Variants in SMAD3 observed in about 807,000 individuals in gnomAD.
SMAD3 encodes the protein SMAD family member 3.
A neutral mutation model predicts 51.8 loss-of-function variants in SMAD3; 12 were observed. The observed-to-expected ratio is 0.23, with a 90% confidence interval of 0.15 to 0.38. The LOEUF (loss-of-function observed/expected upper bound fraction) is 0.38, where lower values mean the gene tolerates loss of function less well. SMAD3 is among the 10% of genes least tolerant of loss of function. The pLI is 1.00. For missense variants in SMAD3, 294 were observed against 565.6 expected, an observed-to-expected ratio of 0.52 and a Z score of 4.87; for synonymous variants, 238 against 227.7, an observed-to-expected ratio of 1.05 and a Z score of -0.41.
intron 1 of SMAD3, among the ~76,000 whole-genome samples, chr15:67,121,266 G>A (rs988323879): frequency 3.3e-5 from 5 of 152,176 alleles, no homozygotes; most frequent in East Asian, 1.9e-4. Context: ...TCTTCTCCTC[G>A]TTTCCTGTTG....
Position 67,105,374 on chromosome 15 carries a change from G to A in SMAD3, c.206+39014G>A, listed in dbSNP as rs72743437. ...ATCATGGCGCACCTCCACGGCCACA[G>A]TGGAAACCTTGAACCTTGAGCTGTA... is the stretch of plus-strand genomic sequence containing the variant. On this transcript the variant is annotated intron_variant, in intron 1 of 8. Transcript: ENST00000327367. Among the ~76,000 whole-genome samples the A allele has an allele frequency of 3.4e-3, 520 of 152,290 alleles. 1 individual carries two copies. The highest frequency in any genetic ancestry group is 4.0e-3 in the Non-Finnish European group (275 of 68,018).
chr15:67,113,095 T>TATATA (rs57818600), intron 1 of SMAD3, among the ~76,000 whole-genome samples: 1 of 91,128 alleles, frequency 1.1e-5, no homozygotes, highest in African/African-American at 6.0e-5. Context: ...TATATATATA[T>TATATA]TTTTTTGAGA....
At chr15:67,151,312 C>T (rs991094154) in intron 1 of SMAD3, among the ~76,000 whole-genome samples, 2 of 149,928 alleles carry the variant, frequency 1.3e-5, no homozygotes, top group South Asian at 2.1e-4. Context: ...CTCTTTCTCC[C>T]CATTTTCCCT....
chr15:67,072,806 G>T (rs1204201306), intron 1 of SMAD3, among the ~76,000 whole-genome samples: 1 of 152,184 alleles, frequency 6.6e-6, no homozygotes, highest in African/African-American at 2.4e-5. Context: ...AAGCACAATG[G>T]TTCCTGGAAA....
At chr15:67,098,963 C>T in intron 1 of SMAD3, 1 of 702,394 alleles carries the variant, frequency 1.4e-6, no homozygotes, top group Non-Finnish European at 2.6e-6. Flanking sequence ...AAATGCTTCA[C>T]AAATGTGGAC....
At chr15:67,182,469 A>G (rs1048140898) in intron 6 of SMAD3, among the ~76,000 whole-genome samples, 4 of 152,164 alleles carry the variant, frequency 2.6e-5, no homozygotes, top group South Asian at 2.1e-4. Flanking sequence ...AGGGTTGGCA[A>G]AGGGTTCCTG....
At chr15:67,122,873 A>G (rs1419805520) in intron 1 of SMAD3, among the ~76,000 whole-genome samples, 3 of 152,122 alleles carry the variant, frequency 2.0e-5, no homozygotes, top group African/African-American at 4.8e-5. Flanking sequence ...CAGGGATAAA[A>G]TATCTCAGTG....
chr15:67,125,320 C>G lies in SMAD3; in HGVS notation c.207-39575C>G, dbSNP rs578147958. Among the ~76,000 whole-genome samples the G allele has an allele frequency of 2.6e-5, 4 of 152,314 alleles. No homozygotes were observed. In the East Asian group the frequency reaches 7.7e-4, roughly 29 times the overall value. The stretch of plus-strand genomic sequence containing the variant: ...GCGGCTCCAGTGTGTGTACGGAGAG[C>G]CTCTTTGAAGCGCTGTTGCCTTTCT... On this transcript the variant is annotated intron_variant, in intron 1 of 8. Coordinates refer to ENST00000327367, the MANE Select transcript of SMAD3 (RefSeq NM_005902.4).
intron 1 of SMAD3, among the ~76,000 whole-genome samples, chr15:67,077,076 C>G (rs569538434): frequency 6.6e-6 from 1 of 152,294 alleles, no homozygotes; most frequent in South Asian, 2.1e-4. Context: ...ATCCTAAACT[C>G]AAACCTGGAC....
intron 1 of SMAD3, among the ~76,000 whole-genome samples, chr15:67,086,782 G>C (rs1960402389): frequency 6.6e-6 from 1 of 152,108 alleles, no homozygotes; most frequent in African/African-American, 2.4e-5. Context: ...ACACAGTGAG[G>C]ATCAGAAGAC....
In SMAD3 at chr15:67,176,126, TAC is replaced by T. The variant is rs543059537; in HGVS notation, c.659-5114_659-5113del. ...CCGCAGATACATAGGTTGGAATTAG[TAC>T]CCTGGGTGCTGGGACACAGCTGGCG... On this transcript the variant is annotated intron_variant, in intron 5 of 8. Coordinates refer to ENST00000327367, the MANE Select transcript of SMAD3 (RefSeq NM_005902.4). Among the ~76,000 whole-genome samples, 480 of 152,320 alleles carry T rather than the reference TAC, an allele frequency of 3.2e-3. 3 individuals carry two copies. Among genetic ancestry groups the T allele is most frequent in the African/African-American group, 0.011 (438 of 41,572 alleles).
intron 7 of SMAD3, 117 bp from the exon 8 acceptor site, chr15:67,187,248 C>T: frequency 1.7e-6 from 2 of 1,210,910 alleles, no homozygotes; most frequent in Non-Finnish European, 2.4e-6. Flanking sequence ...CACCATGTGT[C>T]CCTGGAGCTG....
chr15:67,095,196 G>T (rs1197864768), intron 1 of SMAD3, among the ~76,000 whole-genome samples: 1 of 152,190 alleles, frequency 6.6e-6, no homozygotes, highest in Admixed American at 6.5e-5. Flanking sequence ...CTGTCACACA[G>T]TGTGGCAGCC....
intron 1 of SMAD3, among the ~76,000 whole-genome samples, chr15:67,069,417 T>C (rs1960002211): frequency 1.3e-5 from 2 of 152,106 alleles, no homozygotes; most frequent in Admixed American, 1.3e-4. Flanking sequence ...TTTATAAGAA[T>C]GGAATCAAAG....
chr15:67,141,344 A>G (rs1478713546), intron 1 of SMAD3, among the ~76,000 whole-genome samples: 3 of 152,198 alleles, frequency 2.0e-5, no homozygotes, highest in Admixed American at 6.5e-5. Flanking sequence ...TGGACTCTTT[A>G]TGCCCTGCAC....
At chr15:67,169,025 CAG>C (rs1232863924) in intron 4 of SMAD3, among the ~76,000 whole-genome samples, 9 of 152,308 alleles carry the variant, frequency 5.9e-5, no homozygotes, top group East Asian at 5.8e-4. Context: ...CAGCACAAAA[CAG>C]GGGACAAGCA....
At chr15:67,139,181 G>A (rs902595023) in intron 1 of SMAD3, among the ~76,000 whole-genome samples, 1 of 152,216 alleles carries the variant, frequency 6.6e-6, no homozygotes, top group South Asian at 2.1e-4. Flanking sequence ...AAAGAAGGGG[G>A]CTAGAGGGAT....
chr15:67,112,154 C>CTTTTTT lies in SMAD3; in HGVS notation c.206+45801_206+45806dup, dbSNP rs753530213. On this transcript the variant is annotated intron_variant, in intron 1 of 8. Transcript: ENST00000327367. The stretch of plus-strand genomic sequence containing the variant: ...TTAGCCATTTCTTTTTTTTTCTTTC[C>CTTTTTT]TTTTTTTTTTTTGAGACAGAGTTTT... 3.3e-5 allele frequency among the ~76,000 whole-genome samples: 3 copies of CTTTTTT among 90,426 alleles called. 1 individual carries two copies. Among genetic ancestry groups the CTTTTTT allele is most frequent in the South Asian group, 3.9e-4 (1 of 2,590 alleles). 59.3% of individuals were successfully genotyped at this position (90,426 alleles called of 152,430 possible). A position where few individuals can be genotyped will look rare whatever the true frequency, so the allele number is the denominator to read the frequency against.
chr15:67,174,654 G>A (rs1010630984), intron 5 of SMAD3: 3 of 147,452 alleles, frequency 2.0e-5, no homozygotes, highest in African/African-American at 8.0e-5. Flanking sequence ...CAGCAGCGCA[G>A]CCTTTGTGCT....
Sources: allele counts gnomAD v4.1 joint callset (sites outside exome capture counted in the v4.1 genomes callset), GRCh38; gene constraint gnomAD v4.1.1; transcripts MANE v1.5; gene names NCBI Gene and HGNC (gene_info 2026-07-23, HGNC 2026-07-21).